KYAT1: variants seen among roughly 807,000 people sequenced by gnomAD.
KYAT1 encodes the protein kynurenine--oxoglutarate transaminase 1.
A neutral mutation model predicts 52.4 loss-of-function variants in KYAT1; 47 were observed. The ratio of observed to expected loss-of-function variants is 0.90; its 90% confidence interval spans 0.71 to 1.14. KYAT1 has a LOEUF of 1.14. Among genes scored for constraint, KYAT1 ranks in the 50% most tolerant of loss-of-function variants. The pLI is 0.00. For missense variants in KYAT1, 480 were observed against 557.9 expected (o/e 0.86, Z 1.41); for synonymous variants, 212 against 209.6 (o/e 1.01, Z -0.10).
intron 1 of KYAT1, among the ~76,000 whole-genome samples, chr9:128,879,789 T>C (rs1244317627): frequency 1.3e-5 from 2 of 152,156 alleles, no homozygotes; most frequent in Non-Finnish European, 2.9e-5. Flanking sequence ...TCCCAGGTGG[T>C]CCCAAGACCT....
intron 3 of KYAT1, among the ~76,000 whole-genome samples, chr9:128,841,260 T>C (rs1832098768): frequency 6.6e-6 from 1 of 152,064 alleles, no homozygotes; most frequent in Admixed American, 6.5e-5. Flanking sequence ...ATCCCAGCAC[T>C]TTGGGAGGCC....
At chr9:128,848,525 A>C (rs925199218) in intron 1 of KYAT1, among the ~76,000 whole-genome samples, 3 of 152,030 alleles carry the variant, frequency 2.0e-5, no homozygotes, top group Admixed American at 6.6e-5. Flanking sequence ...ATGCTAAGAA[A>C]CTCAAATGGG....
At chr9:128,855,719 C>T (rs1305648601) in intron 1 of KYAT1, among the ~76,000 whole-genome samples, 6 of 151,954 alleles carry the variant, frequency 3.9e-5, no homozygotes, top group Admixed American at 2.0e-4. Flanking sequence ...GTCCATGGAC[C>T]GACCGTGGGA....
intron 7 of KYAT1, among the ~76,000 whole-genome samples, chr9:128,836,302 G>C (rs4837320): frequency 4.3e-5 from 4 of 93,054 alleles, no homozygotes; most frequent in African/African-American, 1.0e-4. Context: ...TTCTTTCTTT[G>C]TTTTTTTTTT....
Position 128,835,466 on chromosome 9 carries a change from G to A in KYAT1, c.1042+15C>T, listed in dbSNP as rs771542618. 5 of 1,613,652 alleles carry A rather than the reference G, an allele frequency of 3.1e-6. No homozygotes were observed. Among genetic ancestry groups the A allele is most frequent in the Non-Finnish European group, 3.4e-6 (4 of 1,179,962 alleles). On this transcript the variant is annotated intron_variant, in intron 10 of 12. Coordinates refer to ENST00000302586, the MANE Select transcript of KYAT1 (RefSeq NM_004059.5). ...CAGCCCCTGCGCCCTGCCCAGACCG[G>A]CAAGTCTCACTCACTGAAGTCTGAG...
At chr9:128,844,619 G>C (rs1832779545) in intron 2 of KYAT1, among the ~76,000 whole-genome samples, 1 of 152,136 alleles carries the variant, frequency 6.6e-6, no homozygotes, top group Admixed American at 6.5e-5. Flanking sequence ...GAACCTGTGA[G>C]GGGGAGGTTG....
intron 1 of KYAT1, among the ~76,000 whole-genome samples, chr9:128,875,352 G>A (rs886208793): frequency 6.0e-5 from 9 of 149,120 alleles, no homozygotes; most frequent in Admixed American, 2.0e-4. Context: ...GGTGGCTCAC[G>A]CCTGTAATCC....
chr9:128,842,603 G>A (rs560457134), intron 3 of KYAT1, 51 bp downstream of exon 3: 1 of 1,582,132 alleles, frequency 6.3e-7, no homozygotes, highest in Non-Finnish European at 8.6e-7. Flanking sequence ...AGTCCAGAAA[G>A]CCCTGTCCCC....
chr9:128,876,149 A>C (rs1375583441), intron 1 of KYAT1, among the ~76,000 whole-genome samples: 2 of 151,830 alleles, frequency 1.3e-5, no homozygotes, highest in African/African-American at 4.8e-5. Flanking sequence ...TTTGTCACCT[A>C]GGAGCCTTGA....
At chr9:128,870,031 C>T (rs1329841641) in intron 1 of KYAT1, among the ~76,000 whole-genome samples, 3 of 151,938 alleles carry the variant, frequency 2.0e-5, no homozygotes, top group Non-Finnish European at 4.4e-5. Context: ...TGCAATTACC[C>T]GGGCCCGGCA....
intron 1 of KYAT1, among the ~76,000 whole-genome samples, chr9:128,861,580 G>A (rs911443135): frequency 3.9e-5 from 6 of 152,196 alleles, no homozygotes; most frequent in South Asian, 2.1e-4. Flanking sequence ...TCACCCTCTC[G>A]TTCCTTAGAT....
chr9:128,847,770 TACA>T, intron 1 of KYAT1: 1 of 435,842 alleles, frequency 2.3e-6, no homozygotes, highest in Admixed American at 4.1e-5. Context: ...GTTACTCATA[TACA>T]ATACACCCCC....
chr9:128,867,081 C>G (rs1196972203), intron 1 of KYAT1, among the ~76,000 whole-genome samples: 1 of 152,166 alleles, frequency 6.6e-6, no homozygotes, highest in Non-Finnish European at 1.5e-5. Context: ...ATTTGAAAAG[C>G]AAGCACTAGG....
In KYAT1 at chr9:128,835,307, C is replaced by T; in HGVS notation, c.1122+16G>A. The T allele has an allele frequency of 6.2e-7, 1 of 1,609,594 alleles. No individual in the cohort carries two copies. The highest frequency in any genetic ancestry group is 8.5e-7 in the Non-Finnish European group (1 of 1,176,258). ...TGTGAAACCATACATGGCTGCCTGG[C>T]AGAGGCCCAGCCCACCTTGTTCTTG... is the stretch of plus-strand genomic sequence containing the variant. On this transcript the variant is annotated intron_variant, in intron 11 of 12. Transcript: ENST00000302586.
intron 1 of KYAT1, among the ~76,000 whole-genome samples, chr9:128,848,964 A>C (rs1350740637): frequency 6.6e-6 from 1 of 151,734 alleles, no homozygotes; most frequent in Admixed American, 6.6e-5. Context: ...AAATACAAAA[A>C]ATTAGCTGGG....
intron 1 of KYAT1, among the ~76,000 whole-genome samples, chr9:128,848,205 G>A (rs1460478536): frequency 6.6e-6 from 1 of 151,360 alleles, no homozygotes; most frequent in Admixed American, 6.6e-5. Flanking sequence ...TGTAGTCCCA[G>A]CTACTGGGGA....
intron 6 of KYAT1, 132 bp downstream of exon 6, chr9:128,837,553 C>A: frequency 9.4e-7 from 1 of 1,063,142 alleles, no homozygotes; most frequent in Non-Finnish European, 1.4e-6. Context: ...GAGTCTTGGT[C>A]CTCAGTGCTC....
In KYAT1 at chr9:128,851,946, C is replaced by T. The variant is rs140743342; in HGVS notation, c.-6-6535G>A. On this transcript the variant is annotated intron_variant, in intron 1 of 12. Transcript: ENST00000302586. The stretch of plus-strand genomic sequence containing the variant: ...TCAGCCGAGTGAGTGCTGGGGGAGG[C>T]AGCCTGAAACTAGGCACACTGCGAC... 5.9e-5 allele frequency among the ~76,000 whole-genome samples: 9 copies of T among 152,262 alleles called. No homozygotes were observed. In the South Asian group the frequency reaches 1.9e-3, roughly 32 times the overall value.
chr9:128,834,854 A>AC (rs146957080), intron 11 of KYAT1, among the ~76,000 whole-genome samples: 2 of 147,552 alleles, frequency 1.4e-5, no homozygotes, highest in Admixed American at 1.4e-4. Flanking sequence ...AAAAAAAAAA[A>AC]GGCCAGGAGC....
Sources: gnomAD v4.1 joint callset for allele counts (sites outside exome capture counted in the v4.1 genomes callset) on GRCh38, gnomAD v4.1.1 for gene constraint, MANE v1.5 for transcripts, NCBI Gene and HGNC (gene_info 2026-07-23, HGNC 2026-07-21) for gene names.